Variants in KIAA0319L observed in about 807,000 individuals in gnomAD.
The protein encoded by KIAA0319L is dyslexia-associated protein KIAA0319-like protein.
A neutral mutation model predicts 120.1 loss-of-function variants in KIAA0319L; 55 were observed. That is an observed-to-expected ratio of 0.46 (90% CI 0.37 to 0.57). The LOEUF is 0.57. Ranked by LOEUF, KIAA0319L falls within the 20% of genes least tolerant of loss-of-function variation. The probability of loss-of-function intolerance (pLI) is 0.00; values close to 1 mark genes in which losing one functional copy is unlikely to be tolerated. For missense variants in KIAA0319L, 1,049 were observed against 1,255.3 expected, an observed-to-expected ratio of 0.84 and a Z score of 2.48; for synonymous variants, 398 against 471.9, an observed-to-expected ratio of 0.84 and a Z score of 2.03.
chr1:35,435,309 G>A (rs1640696635), intron 20 of KIAA0319L: 1 of 481,186 alleles, frequency 2.1e-6, no homozygotes, highest in Non-Finnish European at 3.7e-6. Flanking sequence ...GCACACCTGG[G>A]GTCTCCTGCT....
chr1:35,517,580 C>T (rs1324484058), intron 2 of KIAA0319L, among the ~76,000 whole-genome samples: 3 of 152,036 alleles, frequency 2.0e-5, no homozygotes, highest in Non-Finnish European at 2.9e-5. Context: ...GATTAAAGAC[C>T]TAAATGTAAA....
At chr1:35,460,683 T>C (rs983582455) in intron 8 of KIAA0319L, among the ~76,000 whole-genome samples, 21 of 152,156 alleles carry the variant, frequency 1.4e-4, no homozygotes, top group Non-Finnish European at 8.8e-5. Context: ...TACTACTGTA[T>C]GAAGAAAGGA....
intron 2 of KIAA0319L, among the ~76,000 whole-genome samples, chr1:35,553,776 A>C (rs1647520523): frequency 6.6e-6 from 1 of 152,258 alleles, no homozygotes; most frequent in Non-Finnish European, 1.5e-5. Flanking sequence ...CCTTCTTGGC[A>C]CTGATTCCTG....
chr1:35,475,135 C>T lies in KIAA0319L; in HGVS notation c.914-229G>A, dbSNP rs535002897. Among the ~76,000 whole-genome samples the T allele has an allele frequency of 2.0e-5, 3 of 152,034 alleles. No homozygotes were observed. In the South Asian group the frequency reaches 6.3e-4, roughly 32 times the overall value. On this transcript the variant is annotated intron_variant, in intron 4 of 20. Coordinates refer to ENST00000325722, the MANE Select transcript of KIAA0319L (RefSeq NM_024874.5). The stretch of plus-strand genomic sequence containing the variant: ...TAAATCTAACAGCTGTACCCTAATA[C>T]CCTCATTCTTCATCTCACATCTCAG...
intron 2 of KIAA0319L, among the ~76,000 whole-genome samples, chr1:35,550,521 G>A (rs1452390363): frequency 6.6e-6 from 1 of 151,928 alleles, no homozygotes; most frequent in Non-Finnish European, 1.5e-5. Context: ...AGAAAGGCCT[G>A]GAAAACACAG....
chr1:35,457,149 A>G (rs1246215201), intron 9 of KIAA0319L, among the ~76,000 whole-genome samples: 1 of 152,176 alleles, frequency 6.6e-6, no homozygotes, highest in African/African-American at 2.4e-5. Context: ...TTCCAGTTTT[A>G]TAAGAGGCTT....
rs144951042 is a variant in KIAA0319L, at chr1:35,479,179, T to C, written c.700A>G (p.Thr234Ala). The change falls in exon 4 of 21, where the codon ACC becomes GCC. Residue 234 changes from threonine (T) to alanine (A), a missense_variant. Physicochemically the swap from Thr to Ala is moderately conservative, Grantham distance 58. Transcript: ENST00000325722. Reference protein sequence around the residue: ...HKAITISSPLTTDLTAELSGG... With the variant: ...HKAITISSPLATDLTAELSGG... ...GACAGCTCTGCAGTCAGGTCTGTGG[T>C]TAGGGGACTGGAAATTGTAATCGCC... The C allele has an allele frequency of 5.8e-4, 940 of 1,613,768 alleles. 16 individuals are homozygous for C. In the East Asian group the frequency reaches 0.017, roughly 29 times the overall value.
chr1:35,445,353 G>A (rs1025960844), intron 16 of KIAA0319L, among the ~76,000 whole-genome samples: 1 of 152,148 alleles, frequency 6.6e-6, no homozygotes, highest in Admixed American at 6.5e-5. Context: ...TGTGTGGTCC[G>A]TTGCCCATTA....
intron 2 of KIAA0319L, among the ~76,000 whole-genome samples, chr1:35,525,108 C>T (rs1646071367): frequency 6.6e-6 from 1 of 152,114 alleles, no homozygotes; most frequent in Admixed American, 6.5e-5. Context: ...GCAATATTTG[C>T]CTACGTCTGG....
intron 12 of KIAA0319L, 44 bp from the exon 13 acceptor site, chr1:35,451,820 G>C (rs376915830): frequency 5.6e-6 from 9 of 1,604,038 alleles, no homozygotes; most frequent in Non-Finnish European, 7.7e-6. Context: ...CCTGTCTGCT[G>C]CTGTCCTGTC....
intron 2 of KIAA0319L, among the ~76,000 whole-genome samples, chr1:35,546,419 G>A (rs1307642644): frequency 6.6e-6 from 1 of 152,208 alleles, no homozygotes; most frequent in East Asian, 1.9e-4. Flanking sequence ...AGTTACCCTG[G>A]CAAAAGCCAA....
chr1:35,506,937 T>TG lies in KIAA0319L; in HGVS notation c.340dup (p.Gln114ProfsTer7). ...GTGTGTCCTAAAAGCCCGGCAGCTC[T>TG]GGGGCCTGCTGCAGTCTGCCTGAAT... On this transcript the variant is annotated frameshift_variant, in exon 3 of 21. Transcript: ENST00000325722. LOFTEE classifies it high-confidence loss of function. The surrounding 1 kb of genome is among the most constrained non-coding windows in gnomAD (Gnocchi z 4.0). The TG allele has an allele frequency of 3.1e-6, 5 of 1,614,084 alleles. No homozygotes were observed. The highest frequency in any genetic ancestry group is 3.4e-6 in the Non-Finnish European group (4 of 1,179,974).
rs1308110420 is a variant in KIAA0319L at position 35,450,357 on chromosome 1, C to T, written c.2214+1G>A. On this transcript the variant is annotated splice_donor_variant, in intron 14 of 20. Coordinates refer to ENST00000325722, the MANE Select transcript of KIAA0319L (RefSeq NM_024874.5). LOFTEE classifies it high-confidence loss of function. ...AGCTCTCCAGCTCCTAGCACACTTA[C>T]CCCTGCTGCTGGGCTCCCCTCATCT... 1 of 1,612,716 alleles carries T rather than the reference C, an allele frequency of 6.2e-7. No homozygotes were observed. Among genetic ancestry groups the T allele is most frequent in the Non-Finnish European group, 8.5e-7 (1 of 1,179,346 alleles).
chr1:35,512,871 CAAAA>C (rs746942793), intron 2 of KIAA0319L, among the ~76,000 whole-genome samples: 1 of 48,386 alleles, frequency 2.1e-5, no homozygotes, highest in African/African-American at 5.7e-5. Context: ...GACTCCATCT[CAAAA>C]AAAAAAAAAA....
intron 9 of KIAA0319L, among the ~76,000 whole-genome samples, chr1:35,460,008 T>C (rs1642775412): frequency 6.6e-6 from 1 of 152,186 alleles, no homozygotes; most frequent in Admixed American, 6.5e-5. Flanking sequence ...AGATGGGCCT[T>C]TTCATTTAAC....
intron 3 of KIAA0319L, among the ~76,000 whole-genome samples, chr1:35,480,850 A>T (rs1404615479): frequency 2.0e-5 from 3 of 152,192 alleles, no homozygotes. Flanking sequence ...CAAGTATATA[A>T]GGTCAAAGTT....
chr1:35,456,313 AAATT>A, intron 9 of KIAA0319L, 72 bp from the exon 10 acceptor site: 1 of 1,019,104 alleles, frequency 9.8e-7, no homozygotes, highest in Non-Finnish European at 1.4e-6. Flanking sequence ...AGAAGACTGA[AAATT>A]AAGGCTAAGA....
At chr1:35,516,174 G>A (rs1032643714) in intron 2 of KIAA0319L, among the ~76,000 whole-genome samples, 1 of 152,150 alleles carries the variant, frequency 6.6e-6, no homozygotes, top group Non-Finnish European at 1.5e-5. Context: ...AATTGAAGAG[G>A]AGGAACTTCT....
At chr1:35,529,831 T>C (rs935527401) in intron 2 of KIAA0319L, among the ~76,000 whole-genome samples, 2 of 152,198 alleles carry the variant, frequency 1.3e-5, no homozygotes, top group African/African-American at 4.8e-5. Context: ...GCTTCCTGTA[T>C]CTGTATGTCT....
Sources: allele counts gnomAD v4.1 joint callset (sites outside exome capture counted in the v4.1 genomes callset), GRCh38; gene constraint gnomAD v4.1.1; non-coding constraint Gnocchi (gnomAD v3.1); transcripts MANE v1.5; gene names NCBI Gene and HGNC (gene_info 2026-07-23, HGNC 2026-07-21).